ADGRL3: variants seen among roughly 807,000 people sequenced by gnomAD.
ADGRL3 encodes the protein adhesion G protein-coupled receptor L3.
Under a neutral mutation model 153.5 loss-of-function variants are expected in ADGRL3, and 62 were observed. That is an observed-to-expected ratio of 0.40 (90% confidence interval 0.33 to 0.50). ADGRL3 has a LOEUF of 0.50. ADGRL3 is among the 20% of genes least tolerant of loss of function. ADGRL3 has a pLI of 0.47. For synonymous variants in ADGRL3, 710 were observed against 672.5 expected (o/e 1.06, Z -0.86); for missense variants, 1,641 against 1,859.4 (o/e 0.88, Z 2.16).
In ADGRL3 at chr4:61,716,012, C is replaced by T. The variant is rs2096106934; in HGVS notation, c.584-14610C>T. 2.7e-5 allele frequency among the ~76,000 whole-genome samples: 4 copies of T among 150,174 alleles called. No individual in the cohort carries two copies. The South Asian group carries it at 8.4e-4, about 31-fold the overall frequency. On this transcript the variant is annotated intron_variant, in intron 6 of 26. Coordinates refer to ENST00000683033, the MANE Select transcript of ADGRL3 (RefSeq NM_001387552.1). The stretch of plus-strand genomic sequence containing the variant: ...ACTGTCAGGAAAAGTACTATTTCTA[C>T]CATTTTCTTTATTCCTCAATTACCA...
At chr4:61,579,740 A>G in intron 4 of ADGRL3, 1 of 333,204 alleles carries the variant, frequency 3.0e-6, no homozygotes, top group Non-Finnish European at 5.9e-6. Context: ...ACCTCAGAAC[A>G]TAGTTGTCTT....
chr4:61,305,724 T>G (rs1476401927), intron 1 of ADGRL3, among the ~76,000 whole-genome samples: 3 of 152,054 alleles, frequency 2.0e-5, no homozygotes, highest in African/African-American at 7.2e-5. Flanking sequence ...AGTTAAGGCT[T>G]TATTTGGTGG....
In ADGRL3 at chr4:61,710,848, AT is replaced by A. The variant is rs536594693; in HGVS notation, c.584-19766del. 2.3e-3 allele frequency among the ~76,000 whole-genome samples: 347 copies of A among 152,046 alleles called. 1 individual carries two copies. Among genetic ancestry groups the A allele is most frequent in the African/African-American group, 7.9e-3 (328 of 41,488 alleles). On this transcript the variant is annotated intron_variant, in intron 6 of 26. Transcript: ENST00000683033. Reference sequence around the variant, plus strand: ...CATACACTTCAAATAAATAATATTGATTTTTTTTGTTTGTTTATTGTTTTTG... The same window carrying A: ...CATACACTTCAAATAAATAATATTGATTTTTTTGTTTGTTTATTGTTTTTG...
chr4:61,889,691 A>G (rs1007821194), intron 9 of ADGRL3, among the ~76,000 whole-genome samples: 1 of 152,320 alleles, frequency 6.6e-6, no homozygotes, highest in East Asian at 1.9e-4. Context: ...AAACCACTTA[A>G]ATAGAGGACA....
At chr4:61,295,130 C>T (rs1212435938) in intron 1 of ADGRL3, among the ~76,000 whole-genome samples, 2 of 152,042 alleles carry the variant, frequency 1.3e-5, no homozygotes, top group Admixed American at 6.6e-5. Context: ...ATTCCTTTGT[C>T]GAGTATCTCT....
chr4:61,768,876 T>A (rs1019686110), intron 8 of ADGRL3, among the ~76,000 whole-genome samples: 1 of 151,220 alleles, frequency 6.6e-6, no homozygotes, highest in Admixed American at 6.6e-5. Flanking sequence ...GGCACAGAGA[T>A]AAGAGGTCAG....
chr4:61,413,780 AAACG>A (rs959846855), intron 2 of ADGRL3, among the ~76,000 whole-genome samples: 1 of 146,160 alleles, frequency 6.8e-6, no homozygotes, highest in African/African-American at 2.5e-5. Flanking sequence ...ACAAACAAAC[AAACG>A]AATGAAACCA....
intron 8 of ADGRL3, among the ~76,000 whole-genome samples, chr4:61,803,875 A>T (rs190339250): frequency 2.6e-5 from 4 of 152,268 alleles, no homozygotes; most frequent in African/African-American, 9.6e-5. Flanking sequence ...TAGTACCTCC[A>T]AATTATGCTA....
intron 8 of ADGRL3, among the ~76,000 whole-genome samples, chr4:61,761,787 G>T (rs1458804974): frequency 6.6e-6 from 1 of 152,052 alleles, no homozygotes; most frequent in South Asian, 2.1e-4. Flanking sequence ...TAATTAGCTG[G>T]GTGTGGTGGC....
At chr4:61,285,908 G>T (rs891550744) in intron 1 of ADGRL3, among the ~76,000 whole-genome samples, 1 of 151,708 alleles carries the variant, frequency 6.6e-6, no homozygotes, top group South Asian at 2.1e-4. Flanking sequence ...TCATGCAAAG[G>T]AGAACTACAG....
intron 3 of ADGRL3, among the ~76,000 whole-genome samples, chr4:61,517,076 GTTT>G (rs11315799): frequency 4.3e-5 from 6 of 140,050 alleles, no homozygotes; most frequent in African/African-American, 1.3e-4. Flanking sequence ...ATTAGGATGA[GTTT>G]TTTTTTTTTT....
At chr4:61,881,611 C>T (rs909809974) in intron 9 of ADGRL3, among the ~76,000 whole-genome samples, 5 of 152,202 alleles carry the variant, frequency 3.3e-5, no homozygotes, top group African/African-American at 1.2e-4. Flanking sequence ...CTCCTGACCT[C>T]AGGTGATCTG....
At chr4:61,880,166 A>G (rs2149474186) in intron 9 of ADGRL3, among the ~76,000 whole-genome samples, 1 of 152,308 alleles carries the variant, frequency 6.6e-6, no homozygotes, top group East Asian at 1.9e-4. Context: ...CTTAGAGATA[A>G]ACATCCAGAA....
chr4:61,341,407 C>T (rs1167931864), intron 1 of ADGRL3, among the ~76,000 whole-genome samples: 2 of 151,426 alleles, frequency 1.3e-5, no homozygotes, highest in East Asian at 1.9e-4. Flanking sequence ...AAAGTATGAA[C>T]CTCGAACCCC....
intron 20 of ADGRL3, among the ~76,000 whole-genome samples, chr4:61,996,822 T>A (rs1400669071): frequency 6.6e-6 from 1 of 152,292 alleles, no homozygotes; most frequent in East Asian, 1.9e-4. Context: ...TTTAACATTT[T>A]ACTTGAGAAT....
chr4:61,888,447 G>A (rs1239081466), intron 9 of ADGRL3, among the ~76,000 whole-genome samples: 1 of 152,202 alleles, frequency 6.6e-6, no homozygotes, highest in Non-Finnish European at 1.5e-5. Context: ...ATCAGTGACT[G>A]TTCAGCAAAT....
chr4:61,506,947 AC>A (rs1345983588), intron 3 of ADGRL3, among the ~76,000 whole-genome samples: 1 of 152,080 alleles, frequency 6.6e-6, no homozygotes, highest in African/African-American at 2.4e-5. Context: ...AATAAAAAAA[AC>A]CCTCTGTATT....
chr4:61,789,537 A>G (rs2097316896), intron 8 of ADGRL3, among the ~76,000 whole-genome samples: 1 of 152,120 alleles, frequency 6.6e-6, no homozygotes, highest in Non-Finnish European at 1.5e-5. Flanking sequence ...ATACACAATA[A>G]AGTTCCATTT....
intron 9 of ADGRL3, among the ~76,000 whole-genome samples, chr4:61,835,902 A>C (rs1561329722): frequency 6.6e-6 from 1 of 152,192 alleles, no homozygotes; most frequent in Non-Finnish European, 1.5e-5. Context: ...TAGAGAAGCC[A>C]ATTTTTAGCT....
Sources: allele counts gnomAD v4.1 joint callset (sites outside exome capture counted in the v4.1 genomes callset), GRCh38; gene constraint gnomAD v4.1.1; transcripts MANE v1.5; gene names NCBI Gene and HGNC (gene_info 2026-07-23, HGNC 2026-07-21).